MARCHF3: variants seen among roughly 807,000 people sequenced by gnomAD.
The protein encoded by MARCHF3 is membrane associated ring-CH-type finger 3.
Under a neutral mutation model 24.2 loss-of-function variants are expected in MARCHF3, and 13 were observed. The observed-to-expected ratio is 0.54, with a 90% CI of 0.35 to 0.85. The LOEUF (loss-of-function observed/expected upper bound fraction) is 0.85, where lower values mean the gene tolerates loss of function less well. Ranked by LOEUF, MARCHF3 falls within the 40% of genes least tolerant of loss-of-function variation. MARCHF3 has a pLI of 0.01. For missense variants in MARCHF3, 276 were observed against 325.0 expected, an observed-to-expected ratio of 0.85 and a Z score of 1.16; for synonymous variants, 144 against 137.3, an observed-to-expected ratio of 1.05 and a Z score of -0.34.
intron 1 of MARCHF3, among the ~76,000 whole-genome samples, chr5:126,959,959 GCT>G (rs1750586553): frequency 6.6e-6 from 1 of 152,098 alleles, no homozygotes; most frequent in South Asian, 2.1e-4. Flanking sequence ...TGCTCTAAGA[GCT>G]CCTCTGAGAA....
chr5:126,878,529 C>A (rs762490831), intron 3 of MARCHF3, 135 bp from the exon 4 acceptor site: 36 of 755,200 alleles, frequency 4.8e-5, no homozygotes, highest in Non-Finnish European at 7.0e-5. Context: ...TATGAGATAA[C>A]AAGGAAGTGT....
chr5:126,878,470 G>T, intron 3 of MARCHF3, 76 bp from the exon 4 acceptor site: 1 of 1,427,526 alleles, frequency 7.0e-7, no homozygotes, highest in Non-Finnish European at 9.5e-7. Context: ...ACGCTGTTCT[G>T]AAGTTATCTT....
intron 2 of MARCHF3, 104 bp downstream of exon 2, chr5:126,917,879 TG>T: frequency 8.5e-7 from 1 of 1,170,970 alleles, no homozygotes; most frequent in Admixed American, 2.9e-5. Flanking sequence ...TCCTCTCACC[TG>T]ACACAAAGAC....
chr5:127,026,300 T>G (rs1580504987), intron 1 of MARCHF3, among the ~76,000 whole-genome samples: 1 of 152,148 alleles, frequency 6.6e-6, no homozygotes, highest in Admixed American at 6.5e-5. Context: ...GCTAGGCAAA[T>G]AAAAGCAACC....
intron 1 of MARCHF3, among the ~76,000 whole-genome samples, chr5:126,921,692 C>T (rs1055632264): frequency 1.3e-5 from 2 of 152,200 alleles, no homozygotes; most frequent in Admixed American, 6.5e-5. Context: ...CCCAGTCTAC[C>T]CAAGAATTCT....
intron 3 of MARCHF3, chr5:126,914,654 C>G: frequency 1.9e-6 from 1 of 524,452 alleles, no homozygotes; most frequent in Non-Finnish European, 3.4e-6. Context: ...AGTCTCTAAA[C>G]TGGCCCTTTC....
At chr5:127,016,603 G>C (rs144847977) in intron 1 of MARCHF3, among the ~76,000 whole-genome samples, 3,097 of 152,236 alleles carry the variant, frequency 0.02, 74 homozygotes, top group South Asian at 0.12. Context: ...AAAAAGGCAG[G>C]AAACAACAGA....
At chr5:126,999,032 C>T (rs983144483) in intron 1 of MARCHF3, among the ~76,000 whole-genome samples, 1 of 152,204 alleles carries the variant, frequency 6.6e-6, no homozygotes, top group African/African-American at 2.4e-5. Context: ...GGAGAACCAA[C>T]TTATTGTACT....
intron 1 of MARCHF3, among the ~76,000 whole-genome samples, chr5:126,980,439 T>C (rs1168846429): frequency 6.6e-6 from 1 of 151,936 alleles, no homozygotes; most frequent in Non-Finnish European, 1.5e-5. Context: ...GGCGCAATCT[T>C]GGCTCACTGC....
At chr5:126,953,007 C>G (rs1750308200) in intron 1 of MARCHF3, among the ~76,000 whole-genome samples, 1 of 152,150 alleles carries the variant, frequency 6.6e-6, no homozygotes, top group African/African-American at 2.4e-5. Context: ...TGCAAAGTCT[C>G]TTAATGGTGT....
intron 1 of MARCHF3, among the ~76,000 whole-genome samples, chr5:126,922,034 C>T (rs890821463): frequency 9.9e-5 from 15 of 152,218 alleles, no homozygotes; most frequent in Non-Finnish European, 1.5e-4. Flanking sequence ...CAGGCAGCAG[C>T]GATTCATTGC....
At chr5:126,999,951 C>G (rs1752073464) in intron 1 of MARCHF3, among the ~76,000 whole-genome samples, 2 of 151,006 alleles carry the variant, frequency 1.3e-5, no homozygotes, top group African/African-American at 2.4e-5. Context: ...TAGTGAGACT[C>G]TGACTTAAGG....
intron 1 of MARCHF3, among the ~76,000 whole-genome samples, chr5:126,954,199 A>ATTTTTTTTTTTTT (rs750262766): frequency 2.6e-5 from 3 of 114,070 alleles, no homozygotes; most frequent in Non-Finnish European, 5.2e-5. Flanking sequence ...CGCCCGGCTA[A>ATTTTTTTTTTTTT]TTTTTTTTTT....
intron 1 of MARCHF3, among the ~76,000 whole-genome samples, chr5:126,990,449 A>G (rs1309354683): frequency 6.6e-6 from 1 of 152,232 alleles, no homozygotes; most frequent in East Asian, 1.9e-4. Flanking sequence ...AAGCCCTAGA[A>G]GAAAACCTAG....
chr5:126,983,816 A>T (rs1015063286), intron 1 of MARCHF3, among the ~76,000 whole-genome samples: 8 of 152,204 alleles, frequency 5.3e-5, no homozygotes, highest in African/African-American at 1.9e-4. Context: ...AGGCAACCAA[A>T]GGAGAACATG....
chr5:126,909,393 G>A (rs534847824), intron 3 of MARCHF3, among the ~76,000 whole-genome samples: 288 of 152,322 alleles, frequency 1.9e-3, no homozygotes, highest in African/African-American at 6.5e-3. Context: ...TCAAGCCTGG[G>A]CAATGGCGGG....
intron 1 of MARCHF3, among the ~76,000 whole-genome samples, chr5:126,930,113 A>T (rs537088384): frequency 6.6e-6 from 1 of 152,242 alleles, no homozygotes; most frequent in African/African-American, 2.4e-5. Flanking sequence ...AAAAAGTCAG[A>T]CCACTACTAC....
chr5:127,020,200 C>T (rs1752749897), intron 1 of MARCHF3, among the ~76,000 whole-genome samples: 1 of 152,330 alleles, frequency 6.6e-6, no homozygotes, highest in Middle Eastern at 3.4e-3. Flanking sequence ...TCTTCTGTTG[C>T]TATAAAGCAG....
intron 1 of MARCHF3, among the ~76,000 whole-genome samples, chr5:126,921,063 G>A (rs1051878438): frequency 2.0e-5 from 3 of 151,266 alleles, no homozygotes; most frequent in African/African-American, 7.3e-5. Context: ...GATCCTCTAA[G>A]CCCTAGCTCA....
Sources: allele counts gnomAD v4.1 joint callset (sites outside exome capture counted in the v4.1 genomes callset), GRCh38; gene constraint gnomAD v4.1.1; transcripts MANE v1.5; gene names NCBI Gene and HGNC (gene_info 2026-07-23, HGNC 2026-07-21).